Variants in CTNNBIP1 observed in about 807,000 individuals in gnomAD.
The protein encoded by CTNNBIP1 is catenin beta interacting protein 1.
In CTNNBIP1, 7 loss-of-function variants were observed where a neutral mutation model predicts 11.8. The ratio of observed to expected loss-of-function variants is 0.60; its 90% CI spans 0.34 to 1.12. The LOEUF (loss-of-function observed/expected upper bound fraction) is 1.12, where lower values mean the gene tolerates loss of function less well. Ranked by LOEUF, CTNNBIP1 falls within the 50% of genes most tolerant of loss-of-function variation. The pLI, the probability that CTNNBIP1 is intolerant of heterozygous loss-of-function variation, is 0.03. For synonymous variants in CTNNBIP1, 58 were observed against 43.9 expected, an observed-to-expected ratio of 1.32 and a Z score of -1.26; for missense variants, 101 against 113.4, an observed-to-expected ratio of 0.89 and a Z score of 0.50.
rs1022266474 is a variant in CTNNBIP1 at position 9,883,102 on chromosome 1, G to T, written c.-110+603C>A. Among the ~76,000 whole-genome samples the T allele has an allele frequency of 6.6e-6, 1 of 152,116 alleles. No individual in the cohort carries two copies. The highest frequency in any genetic ancestry group is 2.4e-5 in the African/African-American group (1 of 41,416). ...GCAGTCAGGAACAGCGGGTGCCTGG[G>T]TGGCAGCAGCGGGACGGCGCAGGAG... On this transcript the variant is annotated intron_variant, in intron 2 of 5. Transcript: ENST00000377263. This position sits in a 1 kb window ranked among gnomAD's most constrained non-coding sequence, Gnocchi z 5.6.
Position 9,872,967 on chromosome 1 carries a change from G to A in CTNNBIP1, c.-24-879C>T, listed in dbSNP as rs1638896099. On this transcript the variant is annotated intron_variant, in intron 3 of 5. Transcript: ENST00000377263. This position sits in a 1 kb window ranked among gnomAD's most constrained non-coding sequence, Gnocchi z 4.0. ...TTATCAGCCCTGGTGCCAAGGAACT[G>A]CGCTCGGAGAACCACGGAACCAAGC... Among the ~76,000 whole-genome samples the A allele has an allele frequency of 6.6e-6, 1 of 152,098 alleles. No individual in the cohort carries two copies. Among genetic ancestry groups the A allele is most frequent in the Non-Finnish European group, 1.5e-5 (1 of 68,026 alleles).
At chr1:9,906,315 T>C (rs1267899335) in intron 1 of CTNNBIP1, among the ~76,000 whole-genome samples, 1 of 152,142 alleles carries the variant, frequency 6.6e-6, no homozygotes, top group African/African-American at 2.4e-5. Flanking sequence ...CCCAACACTT[T>C]AGGAGGCCGA....
intron 1 of CTNNBIP1, among the ~76,000 whole-genome samples, chr1:9,902,312 T>G (rs1415936685): frequency 1.3e-5 from 2 of 152,120 alleles, no homozygotes; most frequent in African/African-American, 2.4e-5. Flanking sequence ...GTGCACCGTG[T>G]TAATGGCAGA....
chr1:9,850,886 G>T, intron 5 of CTNNBIP1, 110 bp from the exon 6 acceptor site: 1 of 991,882 alleles, frequency 1.0e-6, no homozygotes, highest in Non-Finnish European at 1.6e-6. Flanking sequence ...CAGGATCGCG[G>T]CACTCTCTGA....
At chr1:9,892,447 T>G (rs1318144170) in intron 1 of CTNNBIP1, among the ~76,000 whole-genome samples, 5 of 145,234 alleles carry the variant, frequency 3.4e-5, no homozygotes, top group Non-Finnish European at 7.5e-5. Flanking sequence ...AAAGATTAGC[T>G]GGGTGTGCAG....
chr1:9,897,396 G>A (rs1347909841), intron 1 of CTNNBIP1, among the ~76,000 whole-genome samples: 3 of 152,182 alleles, frequency 2.0e-5, no homozygotes, highest in Non-Finnish European at 4.4e-5. Context: ...GGAGCTTGCA[G>A]TGAGCCAAGA....
At chr1:9,852,058 G>A (rs988810635) in intron 5 of CTNNBIP1, among the ~76,000 whole-genome samples, 21 of 152,224 alleles carry the variant, frequency 1.4e-4, no homozygotes, top group East Asian at 5.8e-4. Context: ...GGGGTGGATC[G>A]GAATAGGAGA....
intron 1 of CTNNBIP1, among the ~76,000 whole-genome samples, chr1:9,905,236 T>C (rs1384571024): frequency 6.6e-6 from 1 of 152,182 alleles, no homozygotes; most frequent in Non-Finnish European, 1.5e-5. Context: ...GATTCATCAC[T>C]AACCACACTC....
intron 5 of CTNNBIP1, 99 bp from the exon 6 acceptor site, chr1:9,850,875 C>G (rs1638368955): frequency 9.0e-7 from 1 of 1,112,488 alleles, no homozygotes; most frequent in Non-Finnish European, 1.4e-6. Flanking sequence ...CCCCCGCCCA[C>G]CAGGATCGCG....
chr1:9,890,830 G>C (rs180705577), intron 1 of CTNNBIP1, among the ~76,000 whole-genome samples: 1 of 152,120 alleles, frequency 6.6e-6, no homozygotes, highest in Non-Finnish European at 1.5e-5. Flanking sequence ...ACACCAGAGA[G>C]ATCCCCAGCA....
At chr1:9,888,885 G>A (rs1639240861) in intron 1 of CTNNBIP1, among the ~76,000 whole-genome samples, 1 of 152,180 alleles carries the variant, frequency 6.6e-6, no homozygotes, top group African/African-American at 2.4e-5. Flanking sequence ...GAAGGTTCTG[G>A]GAGCATTTAA....
intron 5 of CTNNBIP1, among the ~76,000 whole-genome samples, chr1:9,858,913 A>G (rs1399632574): frequency 6.6e-6 from 1 of 152,144 alleles, no homozygotes; most frequent in East Asian, 1.9e-4. Flanking sequence ...GAGAAAGGAA[A>G]CCACAGACCT....
intron 5 of CTNNBIP1, among the ~76,000 whole-genome samples, chr1:9,864,118 A>G (rs1314536537): frequency 2.0e-5 from 3 of 152,148 alleles, no homozygotes; most frequent in Admixed American, 1.3e-4. Context: ...CCTTCCCTGG[A>G]AAGTGTCTTG....
chr1:9,877,656 A>G, intron 3 of CTNNBIP1, among the ~76,000 whole-genome samples: 1 of 152,266 alleles, frequency 6.6e-6, no homozygotes, highest in East Asian at 1.9e-4. Context: ...GGTGGTTCCT[A>G]GAGCTTATAT....
intron 3 of CTNNBIP1, among the ~76,000 whole-genome samples, chr1:9,874,400 G>A (rs1173402443): frequency 2.0e-5 from 3 of 152,158 alleles, no homozygotes; most frequent in Non-Finnish European, 4.4e-5. Flanking sequence ...GACCACAGAA[G>A]CATGCCACAA....
intron 5 of CTNNBIP1, among the ~76,000 whole-genome samples, chr1:9,857,407 C>T (rs950654802): frequency 2.0e-5 from 3 of 150,088 alleles, no homozygotes; most frequent in East Asian, 2.0e-4. Flanking sequence ...AGGAGAATGG[C>T]GTGAACCCGG....
chr1:9,856,308 G>T (rs530107794), intron 5 of CTNNBIP1, among the ~76,000 whole-genome samples: 127 of 151,854 alleles, frequency 8.4e-4, no homozygotes, highest in Middle Eastern at 3.4e-3. Flanking sequence ...TCCACGCCTG[G>T]CAGGAAATGG....
At chr1:9,853,779 G>T (rs1002990625) in intron 5 of CTNNBIP1, among the ~76,000 whole-genome samples, 4 of 152,266 alleles carry the variant, frequency 2.6e-5, no homozygotes, top group East Asian at 1.9e-4. Context: ...TGTGTCTCCT[G>T]TTCCACACTC....
At chr1:9,877,123 G>A (rs968082112) in intron 3 of CTNNBIP1, among the ~76,000 whole-genome samples, 1 of 152,216 alleles carries the variant, frequency 6.6e-6, no homozygotes, top group African/African-American at 2.4e-5. Context: ...GTAATCTCCA[G>A]CATTTAAGCA....
Sources: allele counts gnomAD v4.1 joint callset (sites outside exome capture counted in the v4.1 genomes callset), GRCh38; gene constraint gnomAD v4.1.1; non-coding constraint Gnocchi (gnomAD v3.1); transcripts MANE v1.5; gene names NCBI Gene and HGNC (gene_info 2026-07-23, HGNC 2026-07-21).